The following BIRC6 variants were observed in gnomAD, a reference collection of about 807,000 sequenced individuals.
The protein encoded by BIRC6 is baculoviral IAP repeat containing 6.
Under a neutral mutation model 503.3 loss-of-function variants are expected in BIRC6, and 98 were observed. The observed-to-expected ratio is 0.19, with a 90% CI of 0.17 to 0.23. The LOEUF (loss-of-function observed/expected upper bound fraction) is 0.23. Among genes scored for constraint, BIRC6 ranks in the 10% least tolerant of loss-of-function variants. The pLI is 1.00. For missense variants in BIRC6, 5,360 were observed against 5,806.0 expected, an observed-to-expected ratio of 0.92 and a Z score of 2.50; for synonymous variants, 2,240 against 2,078.7, an observed-to-expected ratio of 1.08 and a Z score of -2.11.
chr2:32,543,265 A>G lies in BIRC6; in HGVS notation c.12316A>G (p.Thr4106Ala), dbSNP rs1365305207. Residue 4106 changes from threonine to alanine, a missense_variant, in exon 62 of 74, where the codon ACC (threonine) becomes GCC (alanine). Thr to Ala is a moderately conservative substitution (Grantham distance 58). Coordinates refer to ENST00000421745, the MANE Select transcript of BIRC6 (RefSeq NM_016252.4). ...QQVSAPVVTS[T>A]TQEKPKDSDQ... is the part of the protein sequence containing the mutation. ...GGTGAGTGCTCCAGTTGTAACATCT[A>G]CCACTCAGGAAAAGCCGAAGGATAG... 4.3e-6 allele frequency: 7 copies of G among 1,614,000 alleles called. No individual in the cohort carries two copies. The highest frequency in any genetic ancestry group is 1.7e-4 in the Middle Eastern group (1 of 6,060).
intron 66 of BIRC6, among the ~76,000 whole-genome samples, chr2:32,588,172 G>C (rs559894231): frequency 1.3e-5 from 2 of 152,218 alleles, no homozygotes; most frequent in East Asian, 3.9e-4. Context: ...TGGCCAACAT[G>C]GTGAAACCCC....
rs1194860635 is a variant in BIRC6, at chr2:32,575,068, T to A, written c.13145-88T>A. On this transcript the variant is annotated intron_variant, in intron 65 of 73. Coordinates refer to ENST00000421745, the MANE Select transcript of BIRC6 (RefSeq NM_016252.4). ...CAGCCGGGTCAGCTGTGGACCTTGG[T>A]AAGATCCAGGTAAAAGCTACATTCC... 2.9e-6 allele frequency: 4 copies of A among 1,393,656 alleles called. No homozygotes were observed. In the African/African-American group the frequency reaches 4.3e-5, roughly 15 times the overall value. 86.3% of individuals were successfully genotyped at this position (1,393,656 alleles called of 1,614,324 possible). A position where few individuals can be genotyped will look rare whatever the true frequency, so the allele number is the denominator to read the frequency against.
At chr2:32,615,433 G>A (rs1395145426) in intron 73 of BIRC6, among the ~76,000 whole-genome samples, 1 of 152,146 alleles carries the variant, frequency 6.6e-6, no homozygotes, top group East Asian at 1.9e-4. Flanking sequence ...GCAAGGTAGA[G>A]TTGTTTTTTC....
Position 32,531,495 on chromosome 2 carries a change from G to C in BIRC6, c.12235G>C (p.Gly4079Arg). 1 of 1,613,656 alleles carries C rather than the reference G, an allele frequency of 6.2e-7. No individual in the cohort carries two copies. The highest frequency in any genetic ancestry group is 8.5e-7 in the Non-Finnish European group (1 of 1,179,760). ...ATTACAAGTTTTTGCAGGAATGGGT[G>C]GACTGGCTCTTATTGCTGAAAGACT... ...SPLQVFAGMGGLALIAERLPM... is the reference protein window; with the variant it reads ...SPLQVFAGMGRLALIAERLPM... Residue 4079 changes from glycine to arginine, a missense_variant, in exon 61 of 74, where the codon GGA becomes CGA. Coordinates refer to ENST00000421745, the MANE Select transcript of BIRC6 (RefSeq NM_016252.4).
chr2:32,613,854 T>A (rs1397096023), intron 73 of BIRC6, among the ~76,000 whole-genome samples: 1 of 152,192 alleles, frequency 6.6e-6, no homozygotes, highest in East Asian at 1.9e-4. Flanking sequence ...AGCAATTGTT[T>A]ACCTGAAGGC....
intron 23 of BIRC6, among the ~76,000 whole-genome samples, chr2:32,461,305 G>A (rs2047961572): frequency 6.7e-6 from 1 of 150,268 alleles, no homozygotes; most frequent in African/African-American, 2.5e-5. Flanking sequence ...AGCCTCCTGA[G>A]TAGCTGGGAT....
In BIRC6 at chr2:32,472,758, G is replaced by A. The variant is rs115926896; in HGVS notation, c.6593-354G>A. On this transcript the variant is annotated intron_variant, in intron 32 of 73. Transcript: ENST00000421745. ...CCTTTTTTGGTTCCTGATTAAAAGC[G>A]TCTGTGTTTGAAATAGGCAATAGTA... Among the ~76,000 whole-genome samples the A allele has an allele frequency of 7.6e-3, 1,158 of 152,228 alleles. 7 individuals carry two copies. Among genetic ancestry groups the A allele is most frequent in the Middle Eastern group, 0.014 (4 of 294 alleles).
chr2:32,374,386 A>C (rs2036415261), intron 1 of BIRC6, among the ~76,000 whole-genome samples: 1 of 151,450 alleles, frequency 6.6e-6, no homozygotes, highest in Non-Finnish European at 1.5e-5. Flanking sequence ...GTAGCCTTGA[A>C]CTCCTGGGCT....
chr2:32,519,645 A>G (rs1389707251), intron 57 of BIRC6, among the ~76,000 whole-genome samples: 1 of 152,134 alleles, frequency 6.6e-6, no homozygotes, highest in Non-Finnish European at 1.5e-5. Context: ...CCTCCTGAGT[A>G]GCTGGCATTA....
At chr2:32,402,863 A>G (rs2040749279) in intron 8 of BIRC6, among the ~76,000 whole-genome samples, 1 of 152,228 alleles carries the variant, frequency 6.6e-6, no homozygotes, top group Non-Finnish European at 1.5e-5. Context: ...GGGATTAAAA[A>G]TGGAATCAAA....
At chr2:32,458,953 G>A (rs1347884520) in intron 23 of BIRC6, among the ~76,000 whole-genome samples, 1 of 151,986 alleles carries the variant, frequency 6.6e-6, no homozygotes, top group Non-Finnish European at 1.5e-5. Flanking sequence ...GCCTCCCAAA[G>A]TGCTGGGATT....
Position 32,465,120 on chromosome 2 carries a change from A to T in BIRC6, c.5312A>T (p.Gln1771Leu). ...ATTTCTCATGCTTCACATTTTCTTC[A>T]ACCTCCGCCTCACCAGTCCATTATT... ...LAISHASHFLQPPPHQSIIIE... is the reference protein window; with the variant it reads ...LAISHASHFLLPPPHQSIIIE... The change falls in exon 26 of 74, where the codon CAA (glutamine) becomes CTA (leucine). Residue 1771 changes from glutamine (Q) to leucine (L), a missense_variant. Gln to Leu is a moderately radical substitution (Grantham distance 113, BLOSUM62 -2). Transcript: ENST00000421745. 1 of 1,606,922 alleles carries T rather than the reference A, an allele frequency of 6.2e-7. No individual in the cohort carries two copies. The highest frequency in any genetic ancestry group is 8.5e-7 in the Non-Finnish European group (1 of 1,175,966).
rs1283379895 is a variant in BIRC6 at position 32,515,590 on chromosome 2, G to A, written c.11169G>A (p.Gly3723=). 7.4e-6 allele frequency: 12 copies of A among 1,613,660 alleles called. No individual in the cohort carries two copies. The highest frequency in any genetic ancestry group is 9.3e-6 in the Non-Finnish European group (11 of 1,179,862). The part of the protein sequence containing the change: ...TALLFLLCHS[G]STSGSHNLGA... ...TTCTGTTTTTATTGTGTCACTCTGGGTCCACTTCTGGAAGCCATAATTTAG... is the reference window on the plus strand; with the variant it reads ...TTCTGTTTTTATTGTGTCACTCTGGATCCACTTCTGGAAGCCATAATTTAG... Residue 3723 remains glycine (G), a synonymous_variant, in exon 55 of 74, where the codon GGG becomes GGA. Transcript: ENST00000421745.
At position 32,512,233 on chromosome 2, in the gene BIRC6, T is replaced by A. The variant is rs1389836479; in HGVS notation, c.10347-700T>A. Among the ~76,000 whole-genome samples, 16 of 152,194 alleles carry A rather than the reference T, an allele frequency of 1.1e-4. 1 individual carries two copies. Among genetic ancestry groups the A allele is most frequent in the Non-Finnish European group, 2.9e-5 (2 of 68,018 alleles). ...TATATACCTTCCTATCCCTGTTTCT[T>A]TTAGTGTGAAGCCAAGAATCTTATA... On this transcript the variant is annotated intron_variant, in intron 53 of 73. Coordinates refer to ENST00000421745, the MANE Select transcript of BIRC6 (RefSeq NM_016252.4).
intron 55 of BIRC6, among the ~76,000 whole-genome samples, chr2:32,516,359 C>CA (rs2149715673): frequency 6.6e-6 from 1 of 151,300 alleles, no homozygotes; most frequent in South Asian, 2.1e-4. Flanking sequence ...CCTAAAAATA[C>CA]AAAAAAATTA....
chr2:32,368,697 G>A (rs2035329614), intron 1 of BIRC6, among the ~76,000 whole-genome samples: 2 of 152,058 alleles, frequency 1.3e-5, no homozygotes, highest in Admixed American at 1.3e-4. Context: ...TGTCTCCCAG[G>A]CTGGAGTGCA....
intron 65 of BIRC6, among the ~76,000 whole-genome samples, chr2:32,559,273 G>T (rs1000935914): frequency 6.6e-6 from 1 of 152,196 alleles, no homozygotes; most frequent in Admixed American, 6.5e-5. Flanking sequence ...GACTTCACTT[G>T]CCTGGTTGTA....
chr2:32,363,303 C>A (rs1303983788), intron 1 of BIRC6, among the ~76,000 whole-genome samples: 1 of 152,098 alleles, frequency 6.6e-6, no homozygotes, highest in Admixed American at 6.6e-5. Flanking sequence ...GCCTGGGCAA[C>A]AGAGCAAGAC....
In BIRC6 at chr2:32,554,625, T is replaced by A. The variant is rs114233006; in HGVS notation, c.13144+5144T>A. ...GATGTTATATACTAGGATTAAAATT[T>A]TTAATTTCCCTAATATTGGTTTGAC... On this transcript the variant is annotated intron_variant, in intron 65 of 73. Coordinates refer to ENST00000421745, the MANE Select transcript of BIRC6 (RefSeq NM_016252.4). Among the ~76,000 whole-genome samples, 1,278 of 152,260 alleles carry A rather than the reference T, an allele frequency of 8.4e-3. 16 individuals carry two copies. The highest frequency in any genetic ancestry group is 0.029 in the African/African-American group (1,214 of 41,564).
Sources: allele counts gnomAD v4.1 joint callset (sites outside exome capture counted in the v4.1 genomes callset), GRCh38; gene constraint gnomAD v4.1.1; transcripts MANE v1.5; gene names NCBI Gene and HGNC (gene_info 2026-07-23, HGNC 2026-07-21).